PXDN: variants seen among roughly 807,000 people sequenced by gnomAD.
The protein encoded by PXDN is peroxidasin homolog.
Under a neutral mutation model 140.3 loss-of-function variants are expected in PXDN, and 77 were observed. That is an observed-to-expected ratio of 0.55 (90% CI 0.46 to 0.66). The LOEUF is 0.66. Ranked by LOEUF, PXDN falls within the 30% of genes least tolerant of loss-of-function variation. PXDN has a pLI of 0.00. For missense variants in PXDN, 1,838 were observed against 2,039.5 expected, an observed-to-expected ratio of 0.90 and a Z score of 1.90; for synonymous variants, 911 against 857.4, an observed-to-expected ratio of 1.06 and a Z score of -1.09.
intron 4 of PXDN, among the ~76,000 whole-genome samples, chr2:1,686,983 TGGC>T (rs142239864): frequency 0.019 from 2,893 of 152,298 alleles, 93 homozygotes; most frequent in African/African-American, 0.065. Flanking sequence ...GAAAGGTGAC[TGGC>T]CGAGCAAACA....
chr2:1,729,013 T>C (rs1027965752), intron 1 of PXDN, among the ~76,000 whole-genome samples: 1 of 141,868 alleles, frequency 7.0e-6, no homozygotes, highest in Admixed American at 7.7e-5. Flanking sequence ...GGCTGCTCTG[T>C]GAGCTCCTCC....
chr2:1,638,403 G>A (rs1184675968), intron 21 of PXDN, among the ~76,000 whole-genome samples: 2 of 152,280 alleles, frequency 1.3e-5, no homozygotes, highest in East Asian at 1.9e-4. Context: ...ACAGACACCA[G>A]GACTTTCCTC....
intron 1 of PXDN, among the ~76,000 whole-genome samples, chr2:1,694,521 ACCTGGCCCT>A (rs1160611212): frequency 6.6e-6 from 1 of 152,180 alleles, no homozygotes; most frequent in Non-Finnish European, 1.5e-5. Flanking sequence ...CCCTCTGCCC[ACCTGGCCCT>A]CCTGGCCATC....
intron 1 of PXDN, among the ~76,000 whole-genome samples, chr2:1,723,295 G>A (rs1220802190): frequency 6.6e-6 from 1 of 152,182 alleles, no homozygotes; most frequent in African/African-American, 2.4e-5. Flanking sequence ...ATGAATGAAT[G>A]CATTAATGGA....
chr2:1,692,116 G>A (rs530596992), intron 2 of PXDN, 117 bp from the exon 3 acceptor site: 13 of 731,802 alleles, frequency 1.8e-5, no homozygotes, highest in Non-Finnish European at 2.5e-5. Context: ...TTACAGCCTC[G>A]CCATCAACAT....
chr2:1,669,201 C>T (rs1158280578), intron 9 of PXDN, among the ~76,000 whole-genome samples: 1 of 152,074 alleles, frequency 6.6e-6, no homozygotes, highest in African/African-American at 2.4e-5. Context: ...AACACAGGGA[C>T]AGAAAACCAA....
At chr2:1,716,965 C>G (rs1354458296) in intron 1 of PXDN, among the ~76,000 whole-genome samples, 1 of 152,212 alleles carries the variant, frequency 6.6e-6, no homozygotes, top group Non-Finnish European at 1.5e-5. Context: ...CCCATCCAGC[C>G]CCATGTCCCC....
rs921494507 is a variant in PXDN at position 1,639,146 on chromosome 2, C to T, written c.4073+156G>A. Among the ~76,000 whole-genome samples the T allele has an allele frequency of 6.6e-6, 1 of 151,764 alleles. No homozygotes were observed. Among genetic ancestry groups the T allele is most frequent in the Admixed American group, 6.6e-5 (1 of 15,254 alleles). ...CTGATGCTCTGAGTGGGCAGCACAG[C>T]AGGACGCAGGCTGCGGCCTGGCCCC... On this transcript the variant is annotated intron_variant, in intron 20 of 22. Transcript: ENST00000252804. The surrounding 1 kb of genome is among the most constrained non-coding windows in gnomAD (Gnocchi z 5.0).
At chr2:1,668,646 G>A (rs1683504627) in intron 9 of PXDN, among the ~76,000 whole-genome samples, 1 of 150,168 alleles carries the variant, frequency 6.7e-6, no homozygotes, top group African/African-American at 2.4e-5. Flanking sequence ...TTAAGGATAT[G>A]AACAGACACT....
chr2:1,657,724 C>T (rs1683179267), intron 14 of PXDN, among the ~76,000 whole-genome samples: 1 of 147,230 alleles, frequency 6.8e-6, no homozygotes, highest in Non-Finnish European at 1.5e-5. Context: ...AGAACCTGCC[C>T]CCACCTGACA....
chr2:1,701,709 C>T (rs1331119486), intron 1 of PXDN, among the ~76,000 whole-genome samples: 1 of 152,128 alleles, frequency 6.6e-6, no homozygotes, highest in Non-Finnish European at 1.5e-5. Flanking sequence ...GCAGACTGAG[C>T]GTTCGCACCC....
chr2:1,647,865 G>A (rs1421276620), intron 17 of PXDN, among the ~76,000 whole-genome samples: 1 of 152,174 alleles, frequency 6.6e-6, no homozygotes, highest in East Asian at 1.9e-4. Context: ...CCCTCTGCCA[G>A]AAAAGTATAG....
intron 1 of PXDN, among the ~76,000 whole-genome samples, chr2:1,719,589 G>A (rs1684969758): frequency 6.6e-6 from 1 of 152,188 alleles, no homozygotes; most frequent in Non-Finnish European, 1.5e-5. Flanking sequence ...TCCAGTTTCA[G>A]CCCCCACGGC....
chr2:1,744,600 C>A, upstream of PXDN: 2 of 667,090 alleles, frequency 3.0e-6, no homozygotes, highest in Admixed American at 4.7e-5. Flanking sequence ...TCCTCCCGGC[C>A]CCTCTGAATC....
chr2:1,645,677 AC>A (rs1682835736), intron 17 of PXDN, among the ~76,000 whole-genome samples: 1 of 152,230 alleles, frequency 6.6e-6, no homozygotes, highest in Non-Finnish European at 1.5e-5. Context: ...AAGTTCAATG[AC>A]ATTCAGGTTG....
intron 14 of PXDN, among the ~76,000 whole-genome samples, chr2:1,657,025 C>T (rs966534572): frequency 2.7e-5 from 4 of 150,246 alleles, no homozygotes; most frequent in African/African-American, 9.9e-5. Flanking sequence ...TAAAACCTAC[C>T]CCCTGCTGAC....
chr2:1,672,875 T>C (rs1473432422), intron 9 of PXDN, among the ~76,000 whole-genome samples: 5 of 152,128 alleles, frequency 3.3e-5, no homozygotes, highest in Non-Finnish European at 7.4e-5. Flanking sequence ...AGCCAGAAGG[T>C]TTCAGAGAGG....
rs559429951 is a variant in PXDN at position 1,699,758 on chromosome 2, T to C, written c.201-6624A>G. Among the ~76,000 whole-genome samples the C allele has an allele frequency of 1.3e-3, 203 of 152,142 alleles. 1 individual carries two copies. The highest frequency in any genetic ancestry group is 2.2e-3 in the Admixed American group (34 of 15,270). On this transcript the variant is annotated intron_variant, in intron 1 of 22. Coordinates refer to ENST00000252804, the MANE Select transcript of PXDN (RefSeq NM_012293.3). ...ACAAAAATAAATAAGAGTTTGCCAA[T>C]TTGCCAACAAATTCAAAGTTATACA...
chr2:1,655,103 G>GAC (rs1683099274), intron 14 of PXDN, among the ~76,000 whole-genome samples: 3 of 149,196 alleles, frequency 2.0e-5, no homozygotes, highest in Middle Eastern at 7.1e-3. Context: ...ATTATACACA[G>GAC]ACACACACAC....
Sources: allele counts gnomAD v4.1 joint callset (sites outside exome capture counted in the v4.1 genomes callset), GRCh38; gene constraint gnomAD v4.1.1; non-coding constraint Gnocchi (gnomAD v3.1); transcripts MANE v1.5; gene names NCBI Gene and HGNC (gene_info 2026-07-23, HGNC 2026-07-21).